The following TIGD1 variants were observed in gnomAD, a reference collection of about 807,000 sequenced individuals.
TIGD1 encodes tigger transposable element-derived protein 1.
TIGD1 carries 20 observed loss-of-function variants against 21.3 expected under a neutral mutation model. The ratio of observed to expected loss-of-function variants is 0.94; its 90% CI spans 0.66 to 1.36. TIGD1 has a LOEUF of 1.36. TIGD1 is among the 40% of genes most tolerant of loss of function. The pLI is 0.00. For synonymous variants in TIGD1, 177 were observed against 123.2 expected (o/e 1.44, Z -2.89); for missense variants, 556 against 350.5 (o/e 1.59, Z -4.68).
Position 232,544,146 on chromosome 2 carries a change from G to C in TIGD1, c.*3961C>G, listed in dbSNP as rs1692075788. On this transcript the variant is annotated 3_prime_UTR_variant, in exon 1 of 1. Coordinates refer to ENST00000408957, the MANE Select transcript of TIGD1 (RefSeq NM_145702.4). Reference sequence around the variant, plus strand: ...TAGGCCAGAATAGCATGAGGGCTGGGGGCAGGAATCTGTGTTTATAACAAG... The same window carrying C: ...TAGGCCAGAATAGCATGAGGGCTGGCGGCAGGAATCTGTGTTTATAACAAG... Among the ~76,000 whole-genome samples the C allele has an allele frequency of 6.6e-6, 1 of 152,194 alleles. No homozygotes were observed. Among genetic ancestry groups the C allele is most frequent in the African/African-American group, 2.4e-5 (1 of 41,456 alleles).
rs1160633926 is a variant in TIGD1, at chr2:232,548,808, C to T, written c.1075G>A (p.Asp359Asn). 8.9e-6 allele frequency: 5 copies of T among 564,372 alleles called. No individual in the cohort carries two copies. Among genetic ancestry groups the T allele is most frequent in the Non-Finnish European group, 1.7e-5 (5 of 300,978 alleles). The allele number at this position is 564,372 out of a possible 1,614,324, so 35.0% of individuals were successfully genotyped here. ...CCAGATCCATCAGAGACATCACTATCCATGGCAGCTAGAGCCTTATGAAAT... is the reference window on the plus strand; with the variant it reads ...CCAGATCCATCAGAGACATCACTATTCATGGCAGCTAGAGCCTTATGAAAT... ...NTFHKALAAM[D>N]SDVSDGSGQS... The change falls in exon 1 of 1, where the codon GAT becomes AAT. Residue 359 changes from aspartate (D) to asparagine (N), a missense_variant. Coordinates refer to ENST00000408957, the MANE Select transcript of TIGD1 (RefSeq NM_145702.4).
In TIGD1 at chr2:232,546,130, A is replaced by C; in HGVS notation, c.*1977T>G. Reference sequence around the variant, plus strand: ...AAAGAGGGCAGTCACAAGAGGTGTGAAGAGTAGCAGCCGATGCTCTCTCCA... The same window carrying C: ...AAAGAGGGCAGTCACAAGAGGTGTGCAGAGTAGCAGCCGATGCTCTCTCCA... On this transcript the variant is annotated 3_prime_UTR_variant, in exon 1 of 1. Transcript: ENST00000408957. 3.0e-6 allele frequency: 1 copy of C among 328,152 alleles called. No individual in the cohort carries two copies. The highest frequency in any genetic ancestry group is 6.0e-6 in the Non-Finnish European group (1 of 167,168). 20.3% of individuals were successfully genotyped at this position (328,152 alleles called of 1,614,324 possible).
chr2:232,543,906 A>G lies in TIGD1; in HGVS notation c.*4201T>C, dbSNP rs565335425. 2.2e-4 allele frequency among the ~76,000 whole-genome samples: 33 copies of G among 152,364 alleles called. No individual in the cohort carries two copies. Among genetic ancestry groups the G allele is most frequent in the African/African-American group, 7.7e-4 (32 of 41,586 alleles). ...GATATTACAAATGTTAATGTATTTC[A>G]TCTTCATAAAACCCATATCACCTCC... On this transcript the variant is annotated 3_prime_UTR_variant, in exon 1 of 1. Transcript: ENST00000408957.
Position 232,545,867 on chromosome 2 carries a change from G to C in TIGD1, c.*2240C>G, listed in dbSNP as rs1420753868. ...CCAAACAGCCCTGAGAAAAGCTGGG[G>C]AAACAGTCTGAGCTGGAGTCCGAGA... On this transcript the variant is annotated 3_prime_UTR_variant, in exon 1 of 1. Coordinates refer to ENST00000408957, the MANE Select transcript of TIGD1 (RefSeq NM_145702.4). The C allele has an allele frequency of 2.2e-6, 2 of 895,664 alleles. No homozygotes were observed. The highest frequency in any genetic ancestry group is 3.6e-6 in the Non-Finnish European group (2 of 561,198). 55.5% of individuals were successfully genotyped at this position (895,664 alleles called of 1,614,324 possible).
In TIGD1 at chr2:232,544,228, TAGAAAGCTTTACCA is replaced by T. The variant is rs1692077568; in HGVS notation, c.*3865_*3878del. The T allele has an allele frequency of 1.3e-6, 1 of 760,010 alleles. No homozygotes were observed. Among genetic ancestry groups the T allele is most frequent in the South Asian group, 1.4e-5 (1 of 71,720 alleles). 47.1% of individuals were successfully genotyped at this position (760,010 alleles called of 1,614,324 possible). Reference sequence around the variant, plus strand: ...TGGGGACCCAGGCTCGTGTCCAGTATAGAAAGCTTTACCAAGGCCACGTCACTGCCCCGGTATGC... The same window carrying T: ...TGGGGACCCAGGCTCGTGTCCAGTATAGGCCACGTCACTGCCCCGGTATGC... On this transcript the variant is annotated 3_prime_UTR_variant, in exon 1 of 1. Coordinates refer to ENST00000408957, the MANE Select transcript of TIGD1 (RefSeq NM_145702.4).
rs955049434 is a variant in TIGD1 at position 232,549,823 on chromosome 2, T to A, written c.60A>T (p.Lys20Asn). The A allele has an allele frequency of 6.5e-7, 1 of 1,543,564 alleles. No individual in the cohort carries two copies. Among genetic ancestry groups the A allele is most frequent in the African/African-American group, 1.4e-5 (1 of 72,674 alleles). ...CCTCACTCAGTTTAATCATTTCTAGTTTTTGATTTAAAGTGAGAGATGTGC... is the reference window on the plus strand; with the variant it reads ...CCTCACTCAGTTTAATCATTTCTAGATTTTGATTTAAAGTGAGAGATGTGC... ...KSRTSLTLNQ[K>N]LEMIKLSEEG... The change falls in exon 1 of 1, where the codon AAA becomes AAT. Residue 20 changes from lysine (K) to asparagine (N), a missense_variant. By Grantham distance (94) the Lys-to-Asn change is moderately conservative. Transcript: ENST00000408957.
In TIGD1 at chr2:232,548,256, G is replaced by C. The variant is rs192047600; in HGVS notation, c.1627C>G (p.Arg543Gly). The C allele has an allele frequency of 1.3e-6, 2 of 1,542,890 alleles. No individual in the cohort carries two copies. Among genetic ancestry groups the C allele is most frequent in the Non-Finnish European group, 8.7e-7 (1 of 1,146,246 alleles). The change falls in exon 1 of 1, where the codon CGA becomes GGA. Residue 543 changes from arginine (R) to glycine (G), a missense_variant. Transcript: ENST00000408957. ...AAATAAGACATCGGTGAAGCTTTTC[G>C]CATGAGTTGACTCTTCCTTTCATGA... ...IFHERKSQLMRKASPMSYFRK... is the reference protein window; with the variant it reads ...IFHERKSQLMGKASPMSYFRK...
rs139108448 is a variant in TIGD1 at position 232,544,865 on chromosome 2, T to C, written c.*3242A>G. 2.0e-5 allele frequency: 32 copies of C among 1,613,886 alleles called. No homozygotes were observed. The African/African-American group carries it at 2.4e-4, about 12-fold the overall frequency. ...GCCTGTGTGGAAGCCTGCAACCTCA[T>C]TGCCTGTGCCCGGCACCAGCAGAGT... On this transcript the variant is annotated 3_prime_UTR_variant, in exon 1 of 1. Transcript: ENST00000408957.
rs369358701 is a variant in TIGD1 at position 232,545,306 on chromosome 2, G to A, written c.*2801C>T. ...TGGCCTGGGTGAAAGAGTGAGACGT[G>A]AGACTCCGTCTCAAAAAAAAAAAAA... is the stretch of plus-strand genomic sequence containing the variant. On this transcript the variant is annotated 3_prime_UTR_variant, in exon 1 of 1. Coordinates refer to ENST00000408957, the MANE Select transcript of TIGD1 (RefSeq NM_145702.4). 6.8e-6 allele frequency among the ~76,000 whole-genome samples: 1 copy of A among 146,554 alleles called. No homozygotes were observed. Among genetic ancestry groups the A allele is most frequent in the Non-Finnish European group, 1.5e-5 (1 of 66,948 alleles).
In TIGD1 at chr2:232,544,912, G is replaced by A. The variant is rs1389053771; in HGVS notation, c.*3195C>T. ...GAGTCACTTTGACAATGTAAGCTGA[G>A]TCAGGGTGGGGTGGAGGTGGAGTGA... On this transcript the variant is annotated 3_prime_UTR_variant, in exon 1 of 1. Coordinates refer to ENST00000408957, the MANE Select transcript of TIGD1 (RefSeq NM_145702.4). 2 of 1,613,778 alleles carry A rather than the reference G, an allele frequency of 1.2e-6. No individual in the cohort carries two copies. The highest frequency in any genetic ancestry group is 2.2e-5 in the East Asian group (1 of 44,872).
At position 232,548,283 on chromosome 2, in the gene TIGD1, A is replaced by G; in HGVS notation, c.1600T>C (p.Phe534Leu). 6.5e-7 allele frequency: 1 copy of G among 1,535,702 alleles called. No individual in the cohort carries two copies. The highest frequency in any genetic ancestry group is 1.2e-5 in the South Asian group (1 of 82,196). ...ATGAGTTGACTCTTCCTTTCATGAA[A>G]GATTTCTCTGTAGCATGCGATGCTG... ...SNSIACYREI[F>L]HERKSQLMRK... Residue 534 changes from phenylalanine to leucine, a missense_variant, in exon 1 of 1, where the codon TTT (phenylalanine) becomes CTT (leucine). Physicochemically the swap from Phe to Leu is conservative, Grantham distance 22. Transcript: ENST00000408957.
At position 232,544,572 on chromosome 2, in the gene TIGD1, A is replaced by G. The variant is rs752173448; in HGVS notation, c.*3535T>C. ...CAAGGGCTGGTGGCGGCAGCGCTGG[A>G]GAAGCTAGGTGAGACACACCAGGTG... On this transcript the variant is annotated 3_prime_UTR_variant, in exon 1 of 1. Coordinates refer to ENST00000408957, the MANE Select transcript of TIGD1 (RefSeq NM_145702.4). The G allele has an allele frequency of 1.9e-6, 3 of 1,612,722 alleles. No individual in the cohort carries two copies. The East Asian group carries it at 6.7e-5, about 36-fold the overall frequency.
In TIGD1 at chr2:232,544,487, G is replaced by A. The variant is rs1456206105; in HGVS notation, c.*3620C>T. 1 of 1,613,776 alleles carries A rather than the reference G, an allele frequency of 6.2e-7. No individual in the cohort carries two copies. Among genetic ancestry groups the A allele is most frequent in the Non-Finnish European group, 8.5e-7 (1 of 1,179,954 alleles). On this transcript the variant is annotated 3_prime_UTR_variant, in exon 1 of 1. Coordinates refer to ENST00000408957, the MANE Select transcript of TIGD1 (RefSeq NM_145702.4). ...CTCCTCGGGATGGTCGATCACAACT[G>A]GGGAGGAGGTGGCCCTCTGCCTGCC...
In TIGD1 at chr2:232,544,684, G is replaced by C. The variant is rs1445105516; in HGVS notation, c.*3423C>G. On this transcript the variant is annotated 3_prime_UTR_variant, in exon 1 of 1. Transcript: ENST00000408957. ...TGGAGAAGTGCCCAGGTCAGGGAGA[G>C]AGGAGCTGGGGTCCCTAAGGAGAGG... The C allele has an allele frequency of 7.0e-6, 11 of 1,571,218 alleles. No homozygotes were observed. In the African/African-American group the frequency reaches 1.3e-4, roughly 19 times the overall value.
In TIGD1 at chr2:232,545,349, A is replaced by G. The variant is rs1303275063; in HGVS notation, c.*2758T>C. Among the ~76,000 whole-genome samples, 5 of 143,910 alleles carry G rather than the reference A, an allele frequency of 3.5e-5. No homozygotes were observed. The Admixed American group carries it at 3.7e-4, about 11-fold the overall frequency. The allele number at this position is 143,910 out of a possible 152,430, so 94.4% of individuals were successfully genotyped here. A position where few individuals can be genotyped will look rare whatever the true frequency, so the allele number is the denominator to read the frequency against. Reference sequence around the variant, plus strand: ...AAAAAAAAAGGAAAGAAAGAAAGAAAAAGGAACAGGGGCAGGGGGGGCACC... The same window carrying G: ...AAAAAAAAAGGAAAGAAAGAAAGAAGAAGGAACAGGGGCAGGGGGGGCACC... On this transcript the variant is annotated 3_prime_UTR_variant, in exon 1 of 1. Transcript: ENST00000408957.
Position 232,549,770 on chromosome 2 carries a change from C to T in TIGD1, c.113G>A (p.Arg38Gln), listed in dbSNP as rs958511319. 31 of 1,510,376 alleles carry T rather than the reference C, an allele frequency of 2.1e-5. No individual in the cohort carries two copies. Among genetic ancestry groups the T allele is most frequent in the Admixed American group, 1.4e-4 (7 of 50,866 alleles). The allele number at this position is 1,510,376 out of a possible 1,614,324, so 93.6% of individuals were successfully genotyped here. A position where few individuals can be genotyped will look rare whatever the true frequency, so the allele number is the denominator to read the frequency against. Residue 38 changes from arginine (R) to glutamine (Q), a missense_variant, in exon 1 of 1, where the codon CGA becomes CAA. Coordinates refer to ENST00000408957, the MANE Select transcript of TIGD1 (RefSeq NM_145702.4). ...EEGMSKAEIGRRLGLLRQTVS... is the reference protein window; with the variant it reads ...EEGMSKAEIGQRLGLLRQTVS... ...TGTTTGCCGCAGGAGGCCTAGCCTT[C>T]GGCCTATCTCGGCTTTTGACATACC...
rs1274710405 is a variant in TIGD1, at chr2:232,548,946, C to G, written c.937G>C (p.Glu313Gln). 11 of 683,100 alleles carry G rather than the reference C, an allele frequency of 1.6e-5. No individual in the cohort carries two copies. The highest frequency in any genetic ancestry group is 2.7e-5 in the Non-Finnish European group (10 of 373,110). The allele number at this position is 683,100 out of a possible 1,614,324, so 42.3% of individuals were successfully genotyped here. A position where few individuals can be genotyped will look rare whatever the true frequency, so the allele number is the denominator to read the frequency against. Reference sequence around the variant, plus strand: ...ATAACATTAATCTCCTCGTATATCTCCATCAGAGCTCTTGGATGACTAGGG... The same window carrying G: ...ATAACATTAATCTCCTCGTATATCTGCATCAGAGCTCTTGGATGACTAGGG... The part of the protein sequence containing the change: ...NAPSHPRALM[E>Q]IYEEINVIFM... Residue 313 changes from glutamate (E) to glutamine (Q), a missense_variant, in exon 1 of 1, where the codon GAG becomes CAG. Coordinates refer to ENST00000408957, the MANE Select transcript of TIGD1 (RefSeq NM_145702.4).
Position 232,544,220 on chromosome 2 carries a change from G to T in TIGD1, c.*3887C>A. 1.3e-6 allele frequency: 1 copy of T among 742,202 alleles called. No homozygotes were observed. Among genetic ancestry groups the T allele is most frequent in the Non-Finnish European group, 2.4e-6 (1 of 409,414 alleles). The allele number at this position is 742,202 out of a possible 1,614,324, so 46.0% of individuals were successfully genotyped here. A position where few individuals can be genotyped will look rare whatever the true frequency, so the allele number is the denominator to read the frequency against. ...CTGAAGTTTGGGGACCCAGGCTCGT[G>T]TCCAGTATAGAAAGCTTTACCAAGG... On this transcript the variant is annotated 3_prime_UTR_variant, in exon 1 of 1. Transcript: ENST00000408957.
In TIGD1 at chr2:232,550,013, C is replaced by T. The variant is rs759907490; in HGVS notation, c.-131G>A. The T allele has an allele frequency of 7.6e-5, 40 of 528,462 alleles. No individual in the cohort carries two copies. Among genetic ancestry groups the T allele is most frequent in the Middle Eastern group, 4.9e-4 (1 of 2,054 alleles). The allele number at this position is 528,462 out of a possible 1,614,324, so 32.7% of individuals were successfully genotyped here. ...AGAACACACACAACATTAAGTTCCA[C>T]GTCTTATAAAAGACGCTGTATGTGG... is the stretch of plus-strand genomic sequence containing the variant. On this transcript the variant is annotated 5_prime_UTR_variant, in exon 1 of 1. In the 5' UTR this introduces an upstream ATG that the reference lacks. Transcript: ENST00000408957.
Sources: gnomAD v4.1 joint callset for allele counts (sites outside exome capture counted in the v4.1 genomes callset) on GRCh38, gnomAD v4.1.1 for gene constraint, MANE v1.5 for transcripts, NCBI Gene and HGNC (gene_info 2026-07-23, HGNC 2026-07-21) for gene names.